Variants in ABLIM1 observed in about 807,000 individuals in gnomAD.
The protein encoded by ABLIM1 is actin-binding LIM protein 1.
ABLIM1 carries 40 observed loss-of-function variants against 107.0 expected under a neutral mutation model. That is an observed-to-expected ratio of 0.37 (90% CI 0.29 to 0.49). ABLIM1 has a LOEUF of 0.49. ABLIM1 is among the 20% of genes least tolerant of loss of function. The pLI is 0.97. For synonymous variants in ABLIM1, 357 were observed against 357.3 expected, an observed-to-expected ratio of 1.00 and a Z score of 0.01; for missense variants, 857 against 1,008.5, an observed-to-expected ratio of 0.85 and a Z score of 2.04.
At chr10:114,739,249 G>A (rs1299743894) in intron 1 of ABLIM1, among the ~76,000 whole-genome samples, 1 of 152,216 alleles carries the variant, frequency 6.6e-6, no homozygotes. Flanking sequence ...AAATGTAAAT[G>A]TCAAATTTTG....
At chr10:114,535,312 CT>C (rs796670079) in intron 6 of ABLIM1, among the ~76,000 whole-genome samples, 73 of 150,066 alleles carry the variant, frequency 4.9e-4, no homozygotes, top group Non-Finnish European at 6.1e-4. Flanking sequence ...AGAATAGAAT[CT>C]TTTTTTTTTC....
In ABLIM1 at chr10:114,575,401, G is replaced by A. The variant is rs752468559; in HGVS notation, c.563+15C>T. ...TGGAGGAAGGTGTAGGCTTTGGAAA[G>A]ATAGGCTCACTTACTTGCAGATAGT... On this transcript the variant is annotated intron_variant, in intron 3 of 22. Coordinates refer to ENST00000533213, the MANE Select transcript of ABLIM1 (RefSeq NM_002313.7). 6.2e-7 allele frequency: 1 copy of A among 1,611,848 alleles called. No homozygotes were observed. The highest frequency in any genetic ancestry group is 1.1e-5 in the South Asian group (1 of 90,662).
intron 4 of ABLIM1, among the ~76,000 whole-genome samples, chr10:114,559,459 A>AAAAAG (rs1401832999): frequency 7.7e-5 from 11 of 142,182 alleles, no homozygotes; most frequent in Admixed American, 2.1e-4. Context: ...AAAAAAAAAA[A>AAAAAG]AAAGAAAGAA....
At chr10:114,698,999 G>A (rs2081252854) in intron 1 of ABLIM1, among the ~76,000 whole-genome samples, 1 of 149,230 alleles carries the variant, frequency 6.7e-6, no homozygotes, top group South Asian at 2.1e-4. Context: ...TTAGAAGATA[G>A]AGTCTCCAAG....
chr10:114,438,026 G>A (rs2059671889), intron 21 of ABLIM1, 102 bp from the exon 22 acceptor site: 3 of 1,095,680 alleles, frequency 2.7e-6, no homozygotes, highest in Non-Finnish European at 4.0e-6. Flanking sequence ...GCTTCCAAGA[G>A]ACTGTCATGA....
chr10:114,438,003 C>A, intron 21 of ABLIM1, 79 bp from the exon 22 acceptor site: 2 of 1,338,498 alleles, frequency 1.5e-6, no homozygotes, highest in Admixed American at 1.8e-5. Context: ...AACGCTAGTA[C>A]TCCCAAGATA....
intron 6 of ABLIM1, among the ~76,000 whole-genome samples, chr10:114,541,429 CA>C (rs1346694185): frequency 6.6e-6 from 1 of 152,062 alleles, no homozygotes; most frequent in African/African-American, 2.4e-5. Flanking sequence ...GTATTTACAA[CA>C]AATCCACCAT....
intron 1 of ABLIM1, among the ~76,000 whole-genome samples, chr10:114,650,999 C>A (rs1449843347): frequency 1.3e-5 from 2 of 152,144 alleles, no homozygotes; most frequent in Non-Finnish European, 2.9e-5. Flanking sequence ...CATATTAAGT[C>A]ACTTGCCCAG....
chr10:114,645,353 A>G (rs938995890), intron 1 of ABLIM1, among the ~76,000 whole-genome samples: 1 of 152,090 alleles, frequency 6.6e-6, no homozygotes, highest in African/African-American at 2.4e-5. Context: ...TGCTGCCCAC[A>G]CTGGTAACTG....
intron 2 of ABLIM1, among the ~76,000 whole-genome samples, chr10:114,593,062 G>A (rs2075067972): frequency 6.6e-6 from 1 of 152,214 alleles, no homozygotes; most frequent in Admixed American, 6.5e-5. Flanking sequence ...TTCAGGGCCA[G>A]GAGATAAGAA....
At chr10:114,630,562 C>CT (rs1401599833) in intron 1 of ABLIM1, among the ~76,000 whole-genome samples, 3 of 152,174 alleles carry the variant, frequency 2.0e-5, no homozygotes, top group African/African-American at 7.2e-5. Flanking sequence ...GAGGTGCAGC[C>CT]TTTACACTGT....
intron 1 of ABLIM1, among the ~76,000 whole-genome samples, chr10:114,670,776 T>A (rs1390191690): frequency 2.0e-5 from 3 of 152,276 alleles, no homozygotes; most frequent in Non-Finnish European, 4.4e-5. Flanking sequence ...ATTATAGGCG[T>A]AAGCCTCTGT....
intron 18 of ABLIM1, 21 bp from the exon 19 acceptor site, chr10:114,441,098 T>C: frequency 6.4e-7 from 1 of 1,562,886 alleles, no homozygotes; most frequent in Non-Finnish European, 8.7e-7. Context: ...GAAAAACAAT[T>C]ATTAGGAAAT....
At chr10:114,664,272 A>C (rs1300615525) in intron 1 of ABLIM1, among the ~76,000 whole-genome samples, 1 of 152,136 alleles carries the variant, frequency 6.6e-6, no homozygotes. Context: ...AGCTAACTAA[A>C]ACATTCATTA....
intron 1 of ABLIM1, among the ~76,000 whole-genome samples, chr10:114,624,349 T>C (rs1279156307): frequency 3.9e-5 from 6 of 152,308 alleles, no homozygotes; most frequent in Admixed American, 6.5e-5. Context: ...CTCCTCAAAA[T>C]GAATCAAATG....
the ABLIM1 span, among the ~76,000 whole-genome samples, chr10:114,780,134 A>T: frequency 2.0e-5 from 3 of 152,214 alleles, no homozygotes; most frequent in Admixed American, 6.5e-5. Context: ...CAAGGAAAGC[A>T]AAGGCCTTCT....
intron 6 of ABLIM1, among the ~76,000 whole-genome samples, chr10:114,539,334 G>A (rs938608791): frequency 3.9e-5 from 6 of 151,908 alleles, no homozygotes; most frequent in Non-Finnish European, 8.8e-5. Flanking sequence ...CTCCAGCCTG[G>A]GCAACAAAGC....
chr10:114,735,331 G>T (rs1190699151), intron 1 of ABLIM1, among the ~76,000 whole-genome samples: 1 of 152,166 alleles, frequency 6.6e-6, no homozygotes, highest in Non-Finnish European at 1.5e-5. Flanking sequence ...TAGGCCTCTA[G>T]TGAAATGTCC....
At chr10:114,718,866 A>C (rs2081769104) in intron 1 of ABLIM1, among the ~76,000 whole-genome samples, 1 of 152,234 alleles carries the variant, frequency 6.6e-6, no homozygotes, top group South Asian at 2.1e-4. Context: ...AATGAATAAG[A>C]TAAATATGCG....
Sources: gnomAD v4.1 joint callset for allele counts (sites outside exome capture counted in the v4.1 genomes callset) on GRCh38, gnomAD v4.1.1 for gene constraint, MANE v1.5 for transcripts, NCBI Gene and HGNC (gene_info 2026-07-23, HGNC 2026-07-21) for gene names.